Variants in EFR3B observed in about 807,000 individuals in gnomAD.
EFR3B encodes protein EFR3 homolog B.
Under a neutral mutation model 104.7 loss-of-function variants are expected in EFR3B, and 64 were observed. The ratio of observed to expected loss-of-function variants is 0.61; its 90% CI spans 0.50 to 0.75. The LOEUF is 0.75. EFR3B is among the 30% of genes least tolerant of loss of function. The pLI, the probability that EFR3B is intolerant of heterozygous loss-of-function variation, is 0.00. For missense variants in EFR3B, 750 were observed against 1,078.5 expected, an observed-to-expected ratio of 0.70 and a Z score of 4.27; for synonymous variants, 385 against 417.9, an observed-to-expected ratio of 0.92 and a Z score of 0.96.
intron 4 of EFR3B, among the ~76,000 whole-genome samples, chr2:25,106,623 A>G (rs925632369): frequency 2.0e-5 from 3 of 152,088 alleles, no homozygotes; most frequent in African/African-American, 7.2e-5. Flanking sequence ...ACACCCAACT[A>G]AGGGAGACAG....
chr2:25,133,489 C>T lies in EFR3B; in HGVS notation c.1311+55C>T, dbSNP rs1243306299. ...TTCCTCTGCAGGAGACAGCTCCTTC[C>T]AAGGGACCAAGTGAAGGCCTCCACA... On this transcript the variant is annotated intron_variant, in intron 12 of 22. Coordinates refer to ENST00000403714, the MANE Select transcript of EFR3B (RefSeq NM_014971.2). 2.6e-6 allele frequency: 4 copies of T among 1,527,956 alleles called. 1 individual carries two copies. Among genetic ancestry groups the T allele is most frequent in the Non-Finnish European group, 3.6e-6 (4 of 1,125,122 alleles). The allele number at this position is 1,527,956 out of a possible 1,614,324, so 94.6% of individuals were successfully genotyped here. A position where few individuals can be genotyped will look rare whatever the true frequency, so the allele number is the denominator to read the frequency against.
At chr2:25,050,487 A>G (rs1019465585) in intron 1 of EFR3B, among the ~76,000 whole-genome samples, 10 of 152,120 alleles carry the variant, frequency 6.6e-5, no homozygotes, top group Non-Finnish European at 1.2e-4. Context: ...ACTTAAAAAA[A>G]TTTTTTTCCA....
chr2:25,158,358 GC>G lies in EFR3B; in HGVS notation c.*4021del, dbSNP rs1367162945. On this transcript the variant is annotated 3_prime_UTR_variant, in exon 23 of 23. Coordinates refer to ENST00000403714, the MANE Select transcript of EFR3B (RefSeq NM_014971.2). ...AGATGGCATCATCAGGGCAGGCCAGGCCCACTTCCTGTGACCCCAGACCTTG... is the reference window on the plus strand; with the variant it reads ...AGATGGCATCATCAGGGCAGGCCAGGCCACTTCCTGTGACCCCAGACCTTG... 15 of 152,406 alleles carry G rather than the reference GC, an allele frequency of 9.8e-5. 1 individual carries two copies. Among genetic ancestry groups the G allele is most frequent in the Admixed American group, 5.2e-4 (8 of 15,300 alleles). The allele number at this position is 152,406 out of a possible 1,614,324, so 9.4% of individuals were successfully genotyped here. A position where few individuals can be genotyped will look rare whatever the true frequency, so the allele number is the denominator to read the frequency against.
At chr2:25,129,932 A>G in intron 6 of EFR3B, 43 bp from the exon 7 acceptor site, 2 of 1,548,116 alleles carry the variant, frequency 1.3e-6, no homozygotes, top group Non-Finnish European at 8.7e-7. Context: ...GCCTGACCCC[A>G]GCCTGCATGC....
chr2:25,080,962 T>C (rs1223231458), intron 1 of EFR3B: 2 of 757,732 alleles, frequency 2.6e-6, no homozygotes, highest in Non-Finnish European at 4.9e-6. Context: ...GCTTGTTCCT[T>C]TTTGATGCCT....
Position 25,154,424 on chromosome 2 carries a change from CTG to C in EFR3B, c.*87_*88del. On this transcript the variant is annotated 3_prime_UTR_variant, in exon 23 of 23. Transcript: ENST00000403714. The surrounding 1 kb of genome is among the most constrained non-coding windows in gnomAD (Gnocchi z 4.1). ...CCACCCCGACCACATGGAGATCTGG[CTG>C]TGATCTCTGAGAAAACATCACCTTA... 1 of 1,234,152 alleles carries C rather than the reference CTG, an allele frequency of 8.1e-7. No individual in the cohort carries two copies. The highest frequency in any genetic ancestry group is 1.1e-6 in the Non-Finnish European group (1 of 872,514). The allele number at this position is 1,234,152 out of a possible 1,614,324, so 76.5% of individuals were successfully genotyped here. A position where few individuals can be genotyped will look rare whatever the true frequency, so the allele number is the denominator to read the frequency against.
chr2:25,136,403 C>A lies in EFR3B; in HGVS notation c.1485-120C>A. On this transcript the variant is annotated intron_variant, in intron 13 of 22. Coordinates refer to ENST00000403714, the MANE Select transcript of EFR3B (RefSeq NM_014971.2). The surrounding 1 kb of genome is among the most constrained non-coding windows in gnomAD (Gnocchi z 4.0). Reference sequence around the variant, plus strand: ...AGGTAATCGGGCTGAGAACCAGGGCCAGGGGAGCACTGGAGGCTTTGTACC... The same window carrying A: ...AGGTAATCGGGCTGAGAACCAGGGCAAGGGGAGCACTGGAGGCTTTGTACC... 1.4e-6 allele frequency: 1 copy of A among 713,272 alleles called. No individual in the cohort carries two copies. Among genetic ancestry groups the A allele is most frequent in the Non-Finnish European group, 2.3e-6 (1 of 430,422 alleles). 44.2% of individuals were successfully genotyped at this position (713,272 alleles called of 1,614,324 possible). A position where few individuals can be genotyped will look rare whatever the true frequency, so the allele number is the denominator to read the frequency against.
chr2:25,052,781 G>A (rs577532388), intron 1 of EFR3B, among the ~76,000 whole-genome samples: 1 of 151,722 alleles, frequency 6.6e-6, no homozygotes, highest in Non-Finnish European at 1.5e-5. Flanking sequence ...GGGATTACAG[G>A]CATGAGCCAC....
intron 17 of EFR3B, among the ~76,000 whole-genome samples, chr2:25,142,578 G>A (rs1178080615): frequency 6.6e-6 from 1 of 151,614 alleles, no homozygotes; most frequent in African/African-American, 2.4e-5. Flanking sequence ...GGCCAACACA[G>A]TAAAACCCTG....
At position 25,136,536 on chromosome 2, in the gene EFR3B, A is replaced by G. The variant is rs1201162690; in HGVS notation, c.1498A>G (p.Ile500Val). Residue 500 changes from isoleucine (I) to valine (V), a missense_variant, in exon 14 of 23, where the codon ATC becomes GTC. Coordinates refer to ENST00000403714, the MANE Select transcript of EFR3B (RefSeq NM_014971.2). The surrounding 1 kb of genome is among the most constrained non-coding windows in gnomAD (Gnocchi z 4.0). ...KFSTISTLSD[I>V]SVLKLKVDKC... is the part of the protein sequence containing the mutation. ...ATCCCTTCCCAGTACCCTCAGTGAC[A>G]TCTCTGTCCTGAAGCTGAAAGTGGA... 6.4e-7 allele frequency: 1 copy of G among 1,551,504 alleles called. No individual in the cohort carries two copies. Among genetic ancestry groups the G allele is most frequent in the Non-Finnish European group, 8.7e-7 (1 of 1,146,900 alleles).
At chr2:25,099,870 T>TAA (rs59603684) in intron 3 of EFR3B, among the ~76,000 whole-genome samples, 1 of 138,958 alleles carries the variant, frequency 7.2e-6, no homozygotes, top group Admixed American at 7.3e-5. Flanking sequence ...AAACTTTGTT[T>TAA]AAAAAAAAAA....
chr2:25,053,294 G>A (rs764579713), intron 1 of EFR3B, among the ~76,000 whole-genome samples: 44 of 152,318 alleles, frequency 2.9e-4, no homozygotes, highest in Admixed American at 4.6e-4. Flanking sequence ...GAGAAAGAAA[G>A]GCCCCAGGAA....
rs1667588194 is a variant in EFR3B, at chr2:25,042,126, A to G, written c.-187A>G. On this transcript the variant is annotated 5_prime_UTR_variant, in exon 1 of 23. It removes an upstream start codon present in the reference 5' UTR. Transcript: ENST00000403714. This position sits in a 1 kb window ranked among gnomAD's most constrained non-coding sequence, Gnocchi z 5.4. ...GGCGGCCGCTGCAGCCCGGCGCTGAATGGGCTGGCGGCGCCCGGCTCCGTC... is the reference window on the plus strand; with the variant it reads ...GGCGGCCGCTGCAGCCCGGCGCTGAGTGGGCTGGCGGCGCCCGGCTCCGTC... 2 of 409,890 alleles carry G rather than the reference A, an allele frequency of 4.9e-6. No individual in the cohort carries two copies. The highest frequency in any genetic ancestry group is 7.7e-6 in the Non-Finnish European group (2 of 259,726). 25.4% of individuals were successfully genotyped at this position (409,890 alleles called of 1,614,324 possible). A position where few individuals can be genotyped will look rare whatever the true frequency, so the allele number is the denominator to read the frequency against.
At chr2:25,058,018 A>T (rs757619989) in intron 1 of EFR3B, 1 of 145,924 alleles carries the variant, frequency 6.9e-6, no homozygotes, top group Non-Finnish European at 1.5e-5. Context: ...ACGTTTCTTC[A>T]AAAAAGATAT....
intron 1 of EFR3B, among the ~76,000 whole-genome samples, chr2:25,079,203 A>T (rs1351536677): frequency 6.6e-6 from 1 of 152,238 alleles, no homozygotes; most frequent in Non-Finnish European, 1.5e-5. Flanking sequence ...ACTAAATTAA[A>T]TATTTGCCTT....
chr2:25,099,465 C>A (rs1669372426), intron 3 of EFR3B, among the ~76,000 whole-genome samples: 1 of 151,656 alleles, frequency 6.6e-6, no homozygotes. Flanking sequence ...CCAGAGACAA[C>A]TATTTGATAA....
At chr2:25,063,121 G>C (rs1385263145) in intron 1 of EFR3B, among the ~76,000 whole-genome samples, 1 of 119,324 alleles carries the variant, frequency 8.4e-6, no homozygotes, top group African/African-American at 3.2e-5. Flanking sequence ...TGTATTTTTA[G>C]TAGAGACGGG....
At chr2:25,049,640 G>C (rs1453776369) in intron 1 of EFR3B, among the ~76,000 whole-genome samples, 1 of 152,192 alleles carries the variant, frequency 6.6e-6, no homozygotes, top group Non-Finnish European at 1.5e-5. Flanking sequence ...ATCTGGGCAG[G>C]CTTCAGAAAC....
intron 1 of EFR3B, among the ~76,000 whole-genome samples, chr2:25,054,090 T>C (rs866407447): frequency 6.6e-6 from 1 of 152,128 alleles, no homozygotes; most frequent in Non-Finnish European, 1.5e-5. Context: ...TAGGCTGGAA[T>C]TGATGGACAC....
Sources: allele counts gnomAD v4.1 joint callset (sites outside exome capture counted in the v4.1 genomes callset), GRCh38; gene constraint gnomAD v4.1.1; non-coding constraint Gnocchi (gnomAD v3.1); transcripts MANE v1.5; gene names NCBI Gene and HGNC (gene_info 2026-07-23, HGNC 2026-07-21).